Variants in PVT1 observed in about 807,000 individuals in gnomAD.
The protein encoded by PVT1 is Pvt1 oncogene, also known as CXCR4/PVT1 fusion.
chr8:127,979,770 C>G (rs149008344), intron 3 of PVT1, among the ~76,000 whole-genome samples: 1 of 152,192 alleles, frequency 6.6e-6, no homozygotes, highest in Admixed American at 6.5e-5. Flanking sequence ...TTGTATTCGG[C>G]CAAGGCAGTT....
intron 5 of PVT1, among the ~76,000 whole-genome samples, chr8:128,081,967 C>G (rs150059626): frequency 1.6e-4 from 25 of 152,136 alleles, no homozygotes; most frequent in African/African-American, 6.0e-4. Context: ...GTATTGAACA[C>G]CCCCCCTCAC....
rs559634974 is a variant in PVT1, at chr8:128,084,106, C to G, written n.1115-12412C>G. ...GTTTCTACTCTATCCTTTATCCCCC[C>G]CTTGGCAGCCAGGGGATCCTTTAAA... On this transcript the variant is annotated intron_variant and non_coding_transcript_variant, in intron 5 of 10. Transcript: ENST00000651587. Among the ~76,000 whole-genome samples, 21 of 152,284 alleles carry G rather than the reference C, an allele frequency of 1.4e-4. No homozygotes were observed. In the East Asian group the frequency reaches 2.3e-3, roughly 17 times the overall value.
intron 2 of PVT1, among the ~76,000 whole-genome samples, chr8:127,841,052 G>A (rs577464738): frequency 6.6e-4 from 101 of 152,326 alleles, no homozygotes; most frequent in African/African-American, 2.1e-3. Flanking sequence ...GGGAATCGAT[G>A]GTTTGGGAAA....
chr8:127,869,324 T>TTTCATCATGG (rs1815326095), intron 2 of PVT1, among the ~76,000 whole-genome samples: 2 of 151,988 alleles, frequency 1.3e-5, no homozygotes. Flanking sequence ...AGAGATGGAG[T>TTTCATCATGG]TTCATCATGT....
chr8:127,964,444 C>T (rs540259287), intron 3 of PVT1, among the ~76,000 whole-genome samples: 32 of 152,314 alleles, frequency 2.1e-4, no homozygotes, highest in Admixed American at 9.1e-4. Context: ...GGCTTCAGAC[C>T]CTCCAGAGTC....
intron 3 of PVT1, among the ~76,000 whole-genome samples, chr8:127,916,223 T>C (rs779207527): frequency 5.3e-5 from 8 of 152,178 alleles, no homozygotes; most frequent in Non-Finnish European, 8.8e-5. Context: ...ACACACCATG[T>C]AGGGGCAAGT....
At chr8:127,831,371 G>A (rs1030239954) in intron 2 of PVT1, among the ~76,000 whole-genome samples, 3 of 152,090 alleles carry the variant, frequency 2.0e-5, no homozygotes, top group African/African-American at 4.8e-5. Flanking sequence ...CAATGGACAC[G>A]GGGAAGATGG....
rs190990588 is a variant in PVT1, at chr8:127,898,842, A to T, written n.782+7844A>T. On this transcript the variant is annotated intron_variant and non_coding_transcript_variant, in intron 3 of 10. Transcript: ENST00000651587. The surrounding 1 kb of genome is among the most constrained non-coding windows in gnomAD (Gnocchi z 4.4). Reference sequence around the variant, plus strand: ...CTGGGGATGGGGGTCTTTCCCTCTCATCTGTCTGTCACCCTTTATCACTCC... The same window carrying T: ...CTGGGGATGGGGGTCTTTCCCTCTCTTCTGTCTGTCACCCTTTATCACTCC... Among the ~76,000 whole-genome samples, 30 of 152,250 alleles carry T rather than the reference A, an allele frequency of 2.0e-4. No individual in the cohort carries two copies. The highest frequency in any genetic ancestry group is 6.5e-4 in the Admixed American group (10 of 15,300).
intron 4 of PVT1, among the ~76,000 whole-genome samples, chr8:128,018,953 A>G (rs1284421369): frequency 1.3e-5 from 2 of 152,360 alleles, no homozygotes; most frequent in Admixed American, 6.5e-5. Flanking sequence ...TTTGTGGCTC[A>G]GTCTGCAGCT....
intron 3 of PVT1, among the ~76,000 whole-genome samples, chr8:127,952,967 T>C (rs1368187332): frequency 1.3e-5 from 2 of 152,062 alleles, no homozygotes; most frequent in African/African-American, 4.8e-5. Flanking sequence ...GGTTTCACCA[T>C]GTTGGCCAGG....
intron 3 of PVT1, among the ~76,000 whole-genome samples, chr8:127,950,544 A>G (rs1031512617): frequency 6.6e-6 from 1 of 152,176 alleles, no homozygotes; most frequent in Non-Finnish European, 1.5e-5. Flanking sequence ...ACCGGGGCCC[A>G]GGGGTCACCA....
chr8:127,868,795 A>ATGTG (rs1815318896), intron 2 of PVT1, among the ~76,000 whole-genome samples: 1 of 55,332 alleles, frequency 1.8e-5, no homozygotes, highest in East Asian at 5.4e-4. Flanking sequence ...ATATATATAC[A>ATGTG]TATATATGTA....
chr8:127,799,535 G>A (rs1273750481), intron 2 of PVT1, among the ~76,000 whole-genome samples: 1 of 152,230 alleles, frequency 6.6e-6, no homozygotes, highest in Non-Finnish European at 1.5e-5. Flanking sequence ...CTTGCCTGTA[G>A]GGAAAGTATG....
At chr8:127,875,722 C>T (rs1006543257) in intron 2 of PVT1, among the ~76,000 whole-genome samples, 1 of 152,166 alleles carries the variant, frequency 6.6e-6, no homozygotes, top group African/African-American at 2.4e-5. Context: ...CCCTGGGGAG[C>T]CTTAGCTGCT....
chr8:128,032,982 G>T (rs1192705853), intron 4 of PVT1, among the ~76,000 whole-genome samples: 2 of 152,210 alleles, frequency 1.3e-5, no homozygotes, highest in African/African-American at 4.8e-5. Flanking sequence ...GCATGGTGGA[G>T]GGTGAGGGTG....
At chr8:127,886,116 T>A (rs1198245184) in intron 2 of PVT1, among the ~76,000 whole-genome samples, 2 of 151,866 alleles carry the variant, frequency 1.3e-5, no homozygotes, top group African/African-American at 4.8e-5. Context: ...ATAAATAAAA[T>A]AAATAAATAA....
chr8:127,950,651 C>T (rs1816495559), intron 3 of PVT1, among the ~76,000 whole-genome samples: 1 of 152,116 alleles, frequency 6.6e-6, no homozygotes, highest in East Asian at 1.9e-4. Context: ...AGATGTGTCA[C>T]CAGAACTAAA....
At chr8:128,042,345 T>G (rs1472419677) in intron 4 of PVT1, among the ~76,000 whole-genome samples, 3 of 152,222 alleles carry the variant, frequency 2.0e-5, no homozygotes, top group Admixed American at 2.0e-4. Context: ...TCTCTGGATG[T>G]AGAAACCAAG....
intron 4 of PVT1, among the ~76,000 whole-genome samples, chr8:128,065,738 A>G (rs1005631743): frequency 3.7e-5 from 5 of 134,184 alleles, no homozygotes; most frequent in African/African-American, 1.3e-4. Flanking sequence ...GTGCTGAGTC[A>G]TGTCACTTCA....
Sources: gnomAD v4.1 joint callset for allele counts (sites outside exome capture counted in the v4.1 genomes callset) on GRCh38, gnomAD v4.1.1 for gene constraint, Gnocchi (gnomAD v3.1) non-coding constraint, MANE v1.5 for transcripts, NCBI Gene and HGNC (gene_info 2026-07-23, HGNC 2026-07-21) for gene names.